RGS21: variants seen among roughly 807,000 people sequenced by gnomAD.
RGS21 encodes the protein regulator of G-protein signalling 21.
A neutral mutation model predicts 18.7 loss-of-function variants in RGS21; 19 were observed. The ratio of observed to expected loss-of-function variants is 1.01; its 90% CI spans 0.71 to 1.49. The LOEUF (loss-of-function observed/expected upper bound fraction) is 1.49. Ranked by LOEUF, RGS21 falls within the 40% of genes most tolerant of loss-of-function variation. The probability of loss-of-function intolerance (pLI) is 0.00; values close to 1 mark genes in which losing one functional copy is unlikely to be tolerated. For missense variants in RGS21, 194 were observed against 176.8 expected, an observed-to-expected ratio of 1.10 and a Z score of -0.55; for synonymous variants, 56 against 57.8, an observed-to-expected ratio of 0.97 and a Z score of 0.14.
intron 1 of RGS21, among the ~76,000 whole-genome samples, chr1:192,333,525 A>C (rs1044840177): frequency 6.6e-6 from 1 of 151,864 alleles, no homozygotes; most frequent in Non-Finnish European, 1.5e-5. Flanking sequence ...GTCACATGCG[A>C]AATGATGTGG....
chr1:192,349,450 T>G (rs1411872829), intron 3 of RGS21, among the ~76,000 whole-genome samples: 1 of 152,206 alleles, frequency 6.6e-6, no homozygotes, highest in Non-Finnish European at 1.5e-5. Flanking sequence ...TTGCATGTAC[T>G]AAGCATAGGC....
chr1:192,320,526 A>ATGTATGTGTATGTGTATATGTATG (rs1658481300), intron 1 of RGS21, among the ~76,000 whole-genome samples: 2 of 147,452 alleles, frequency 1.4e-5, no homozygotes, highest in African/African-American at 5.1e-5. Flanking sequence ...GTATGTGTAT[A>ATGTATGTGTATGTGTATATGTATG]TGTATGTGTA....
At chr1:192,320,804 T>G (rs1223063676) in intron 1 of RGS21, among the ~76,000 whole-genome samples, 1 of 152,010 alleles carries the variant, frequency 6.6e-6, no homozygotes, top group Non-Finnish European at 1.5e-5. Flanking sequence ...ACTAAAAATA[T>G]TTTTATATTT....
intron 1 of RGS21, among the ~76,000 whole-genome samples, chr1:192,326,615 A>G (rs1658571700): frequency 6.6e-6 from 1 of 152,160 alleles, no homozygotes; most frequent in African/African-American, 2.4e-5. Flanking sequence ...GAATAGGCAA[A>G]GTGAAATACA....
At chr1:192,324,489 G>A (rs1257471059) in intron 1 of RGS21, among the ~76,000 whole-genome samples, 3 of 151,986 alleles carry the variant, frequency 2.0e-5, no homozygotes, top group Non-Finnish European at 4.4e-5. Context: ...CCCTTAAGAA[G>A]AGTATTTCAT....
Position 192,343,490 on chromosome 1 carries a change from T to G in RGS21, c.11+443T>G, listed in dbSNP as rs141347039. Among the ~76,000 whole-genome samples the G allele has an allele frequency of 4.3e-3, 652 of 152,190 alleles. 3 individuals are homozygous for G. Among genetic ancestry groups the G allele is most frequent in the African/African-American group, 0.015 (621 of 41,542 alleles). ...ATTCTCCAGCACACTGCTAATTGAG[T>G]GTGAACAGCTAAGTTGTTGGATTCC... On this transcript the variant is annotated intron_variant, in intron 2 of 4. Transcript: ENST00000417209.
At chr1:192,358,215 A>G (rs1571463083) in intron 4 of RGS21, among the ~76,000 whole-genome samples, 1 of 152,118 alleles carries the variant, frequency 6.6e-6, no homozygotes, top group East Asian at 1.9e-4. Flanking sequence ...CTAATTAATC[A>G]GGATGGTTTT....
At chr1:192,339,616 C>T (rs1484638272) in intron 1 of RGS21, among the ~76,000 whole-genome samples, 1 of 152,042 alleles carries the variant, frequency 6.6e-6, no homozygotes, top group Non-Finnish European at 1.5e-5. Context: ...AACCCCATCT[C>T]CTCTGCACAG....
In RGS21 at chr1:192,347,328, G is replaced by C; in HGVS notation, c.27G>C (p.Arg9Ser). The C allele has an allele frequency of 5.6e-6, 9 of 1,605,684 alleles. 2 individuals carry two copies. In the South Asian group the frequency reaches 1.0e-4, roughly 18 times the overall value. Residue 9 changes from arginine to serine, a missense_variant, in exon 3 of 5, where the codon AGG becomes AGC. By Grantham distance (110) the Arg-to-Ser change is moderately radical (BLOSUM62 -1). Coordinates refer to ENST00000417209, the MANE Select transcript of RGS21 (RefSeq NM_001039152.3). ...TCAAGGTTAGATGCTGTTTCTACAG[G>C]TCACCAACTGCGGAAACAATGACAT... MPVKCCFY[R>S]SPTAETMTWS...
chr1:192,333,269 T>TACACACACACACAC (rs137948736), intron 1 of RGS21, among the ~76,000 whole-genome samples: 2,753 of 142,928 alleles, frequency 0.019, 71 homozygotes, highest in African/African-American at 0.055. Context: ...GTTTCTTAAA[T>TACACACACACACAC]ACACACACAC....
intron 1 of RGS21, among the ~76,000 whole-genome samples, chr1:192,322,661 C>A (rs554367237): frequency 6.6e-6 from 1 of 152,048 alleles, no homozygotes; most frequent in Non-Finnish European, 1.5e-5. Flanking sequence ...AGCCAGGATC[C>A]CACGCTAGAG....
At chr1:192,356,409 T>C (rs756342706) in intron 4 of RGS21, among the ~76,000 whole-genome samples, 4 of 151,748 alleles carry the variant, frequency 2.6e-5, no homozygotes, top group Non-Finnish European at 5.9e-5. Context: ...AGAAAATAAA[T>C]AGAAACTTTA....
At chr1:192,343,274 T>C (rs997550414) in intron 2 of RGS21, among the ~76,000 whole-genome samples, 1 of 152,122 alleles carries the variant, frequency 6.6e-6, no homozygotes, top group Non-Finnish European at 1.5e-5. Context: ...AGAAAGGTTA[T>C]AAAGTGGAGA....
chr1:192,343,962 C>T (rs1658910406), intron 2 of RGS21, among the ~76,000 whole-genome samples: 1 of 151,922 alleles, frequency 6.6e-6, no homozygotes, highest in African/African-American at 2.4e-5. Flanking sequence ...TCTTTTTTCT[C>T]CAACTTTTAT....
rs1209713866 is a variant in RGS21, at chr1:192,333,289, C to CACACACAA, written c.-60-9681_-60-9680insAACACACA. On this transcript the variant is annotated intron_variant, in intron 1 of 4. Coordinates refer to ENST00000417209, the MANE Select transcript of RGS21 (RefSeq NM_001039152.3). ...TTAAATACACACACACACACACACA[C>CACACACAA]ACACACACACACACTTACCATAGGA... is the stretch of plus-strand genomic sequence containing the variant. 4.6e-5 allele frequency among the ~76,000 whole-genome samples: 7 copies of CACACACAA among 151,970 alleles called. No individual in the cohort carries two copies. In the South Asian group the frequency reaches 1.2e-3, roughly 27 times the overall value.
At chr1:192,337,474 C>T (rs542286250) in intron 1 of RGS21, among the ~76,000 whole-genome samples, 1 of 151,712 alleles carries the variant, frequency 6.6e-6, no homozygotes, top group Non-Finnish European at 1.5e-5. Context: ...TATTACTTAG[C>T]TTTATTAATA....
intron 1 of RGS21, among the ~76,000 whole-genome samples, chr1:192,320,312 C>G (rs946933399): frequency 6.6e-6 from 1 of 152,040 alleles, no homozygotes; most frequent in Admixed American, 6.6e-5. Context: ...TGAAATATAT[C>G]ACACAATGAC....
At chr1:192,350,714 A>G (rs1157624831) in intron 3 of RGS21, among the ~76,000 whole-genome samples, 1 of 152,208 alleles carries the variant, frequency 6.6e-6, no homozygotes, top group Non-Finnish European at 1.5e-5. Flanking sequence ...ACTGAATAAC[A>G]TGACCTAAAT....
At position 192,361,737 on chromosome 1, in the gene RGS21, G is replaced by A. The variant is rs181621502; in HGVS notation, c.256-4184G>A. 9.9e-5 allele frequency among the ~76,000 whole-genome samples: 15 copies of A among 151,960 alleles called. No homozygotes were observed. The East Asian group carries it at 2.7e-3, about 27-fold the overall frequency. ...ATTTTTATATTTTTAGTATAGATGG[G>A]GTTCCACCATGTTGGATCTGGCTGG... On this transcript the variant is annotated intron_variant, in intron 4 of 4. Transcript: ENST00000417209.
Sources: allele counts gnomAD v4.1 joint callset (sites outside exome capture counted in the v4.1 genomes callset), GRCh38; gene constraint gnomAD v4.1.1; transcripts MANE v1.5; gene names NCBI Gene and HGNC (gene_info 2026-07-23, HGNC 2026-07-21).